Variants in KHDC1 observed in about 807,000 individuals in gnomAD.
KHDC1 encodes KH homology domain-containing protein 1.
Under a neutral mutation model 24.7 loss-of-function variants are expected in KHDC1, and 21 were observed. The ratio of observed to expected loss-of-function variants is 0.85; its 90% CI spans 0.60 to 1.23. The LOEUF (loss-of-function observed/expected upper bound fraction) is 1.23. Ranked by LOEUF, KHDC1 falls within the 50% of genes most tolerant of loss-of-function variation. The pLI is 0.00. For missense variants in KHDC1, 274 were observed against 298.5 expected, an observed-to-expected ratio of 0.92 and a Z score of 0.61; for synonymous variants, 98 against 111.7, an observed-to-expected ratio of 0.88 and a Z score of 0.77.
intron 2 of KHDC1, among the ~76,000 whole-genome samples, chr6:73,273,831 AAAAT>A (rs1767226730): frequency 6.6e-6 from 1 of 151,518 alleles, no homozygotes; most frequent in Non-Finnish European, 1.5e-5. Context: ...AAAAAATAAA[AAAAT>A]AAGCCAGGCA....
rs1296090837 is a variant in KHDC1 at position 73,309,582 on chromosome 6, ACACTGTCCCGATCAGGAG to A, written c.115_132del (p.Leu39_Val44del). 3.9e-6 allele frequency: 6 copies of A among 1,543,674 alleles called. No homozygotes were observed. The African/African-American group carries it at 8.2e-5, about 21-fold the overall frequency. On this transcript the variant is annotated inframe_deletion, in exon 1 of 5. Coordinates refer to ENST00000370384, the Ensembl canonical transcript of KHDC1. ...TTTCTGCGGATCCAAAGGTGGAAAG[ACACTGTCCCGATCAGGAG>A]CATCGCAAGGGTCTGGAGAAAGGGC...
At chr6:73,246,777 T>C (rs1434214109) in intron 2 of KHDC1, among the ~76,000 whole-genome samples, 2 of 152,158 alleles carry the variant, frequency 1.3e-5, no homozygotes, top group African/African-American at 4.8e-5. Context: ...ACCAAACAAA[T>C]ACTCATAATG....
intron 1 of KHDC1, chr6:73,292,140 A>G (rs1767665035): frequency 1.3e-6 from 2 of 1,569,066 alleles, no homozygotes; most frequent in Non-Finnish European, 1.8e-6. Context: ...GCATACAAAA[A>G]CCTTTATTCT....
chr6:73,310,293 G>C (rs910719585), upstream of KHDC1: 7 of 154,566 alleles, frequency 4.5e-5, no homozygotes, highest in African/African-American at 1.7e-4. Context: ...CGATCCTTTA[G>C]ACGACTTTTT....
intron 2 of KHDC1, among the ~76,000 whole-genome samples, chr6:73,288,910 A>G (rs1333177614): frequency 1.3e-5 from 2 of 152,190 alleles, no homozygotes; most frequent in Non-Finnish European, 2.9e-5. Context: ...AGACGGTCTT[A>G]AAGTTTTCAG....
At chr6:73,253,480 G>A (rs1192241857) in intron 2 of KHDC1, among the ~76,000 whole-genome samples, 1 of 152,010 alleles carries the variant, frequency 6.6e-6, no homozygotes, top group Non-Finnish European at 1.5e-5. Flanking sequence ...GTGAACCCAG[G>A]AGGCAGAGCT....
At chr6:73,267,570 A>G (rs1220742716) in intron 2 of KHDC1, among the ~76,000 whole-genome samples, 1 of 152,232 alleles carries the variant, frequency 6.6e-6, no homozygotes, top group East Asian at 1.9e-4. Context: ...TATTACTGGT[A>G]GGAATATAAA....
chr6:73,305,282 T>TAAAGA (rs1161346012), intron 1 of KHDC1, among the ~76,000 whole-genome samples: 1 of 151,854 alleles, frequency 6.6e-6, no homozygotes, highest in East Asian at 1.9e-4. Flanking sequence ...AGAGAGATAA[T>TAAAGA]AAAGAAACAA....
chr6:73,247,855 CAAAAAAA>C (rs60650206), intron 2 of KHDC1, among the ~76,000 whole-genome samples: 1 of 89,588 alleles, frequency 1.1e-5, no homozygotes, highest in Non-Finnish European at 2.3e-5. Flanking sequence ...GACTCTGTCT[CAAAAAAA>C]AAAAAAAAAA....
chr6:73,270,239 T>C (rs531707785), intron 2 of KHDC1: 4 of 152,358 alleles, frequency 2.6e-5, no homozygotes, highest in East Asian at 1.9e-4. Flanking sequence ...TTCTATTTCA[T>C]TGATTGGTCT....
intron 2 of KHDC1, among the ~76,000 whole-genome samples, chr6:73,287,915 A>G (rs1443148281): frequency 6.6e-6 from 1 of 152,102 alleles, no homozygotes; most frequent in Admixed American, 6.6e-5. Context: ...AGCTGGCACA[A>G]CTCTAATATT....
chr6:73,305,635 GAATAT>G (rs1372642035), intron 1 of KHDC1, among the ~76,000 whole-genome samples: 11 of 152,100 alleles, frequency 7.2e-5, no homozygotes, highest in African/African-American at 2.4e-4. Context: ...GCATTTAAGA[GAATAT>G]AATATATTGG....
At chr6:73,278,000 C>T (rs200492839) in intron 2 of KHDC1, among the ~76,000 whole-genome samples, 2 of 94,828 alleles carry the variant, frequency 2.1e-5, no homozygotes, top group African/African-American at 9.7e-5. Context: ...CTCTCTCTCT[C>T]TCTCGGGTGT....
chr6:73,266,309 A>T (rs896481278), intron 2 of KHDC1, among the ~76,000 whole-genome samples: 35 of 152,220 alleles, frequency 2.3e-4, no homozygotes, highest in African/African-American at 8.0e-4. Context: ...ACATTTGTTG[A>T]GCTTTTTACT....
At chr6:73,304,229 A>G (rs187887606) in intron 1 of KHDC1, among the ~76,000 whole-genome samples, 7 of 152,320 alleles carry the variant, frequency 4.6e-5, no homozygotes, top group African/African-American at 1.7e-4. Flanking sequence ...TGCTAACATA[A>G]GTAGAAGCTG....
At chr6:73,297,297 GC>G (rs1430586344) in intron 1 of KHDC1, among the ~76,000 whole-genome samples, 2 of 151,862 alleles carry the variant, frequency 1.3e-5, no homozygotes, top group African/African-American at 4.8e-5. Flanking sequence ...GTTGCATTTG[GC>G]ACTTCATCTA....
intron 1 of KHDC1, among the ~76,000 whole-genome samples, chr6:73,294,016 A>C (rs1467231345): frequency 6.6e-6 from 1 of 150,716 alleles, no homozygotes; most frequent in Non-Finnish European, 1.5e-5. Flanking sequence ...AAAAAAAAAA[A>C]AACAAAAAAA....
At chr6:73,251,791 TTTCTTTTC>T (rs1049581049) in intron 2 of KHDC1, among the ~76,000 whole-genome samples, 1 of 151,260 alleles carries the variant, frequency 6.6e-6, no homozygotes, top group Non-Finnish European at 1.5e-5. Flanking sequence ...TTCCTTTTCT[TTTCTTTTC>T]TTTTTTTTTT....
At chr6:73,265,936 G>A (rs751347142) in intron 2 of KHDC1, among the ~76,000 whole-genome samples, 2 of 151,792 alleles carry the variant, frequency 1.3e-5, no homozygotes, top group South Asian at 2.1e-4. Context: ...CTTTTTTTTG[G>A]GGGGAGACGA....
Sources: gnomAD v4.1 joint callset for allele counts (sites outside exome capture counted in the v4.1 genomes callset) on GRCh38, gnomAD v4.1.1 for gene constraint, MANE v1.5 for transcripts, NCBI Gene and HGNC (gene_info 2026-07-23, HGNC 2026-07-21) for gene names.